Variants in SLC35D4 observed in about 807,000 individuals in gnomAD.
The protein encoded by SLC35D4 is solute carrier family 35 member D4.
the SLC35D4 span, among the ~76,000 whole-genome samples, chr18:23,250,177 C>T: frequency 1.3e-5 from 2 of 152,232 alleles, no homozygotes; most frequent in Non-Finnish European, 2.9e-5. Context: ...TCCACATGAT[C>T]GTTAAGCAGC....
chr18:23,399,645 G>A, the SLC35D4 span: 3 of 1,613,560 alleles, frequency 1.9e-6, no homozygotes, highest in Non-Finnish European at 2.5e-6. Context: ...AAGAACATGA[G>A]ATCTGAAAAG....
At chr18:23,243,468 G>GTTTT in the SLC35D4 span, among the ~76,000 whole-genome samples, 13 of 101,862 alleles carry the variant, frequency 1.3e-4, no homozygotes, top group African/African-American at 4.4e-4. Context: ...TGGGTTTGGT[G>GTTTT]TTTTTTTTTT....
At chr18:23,382,518 C>T in the SLC35D4 span, among the ~76,000 whole-genome samples, 1 of 151,662 alleles carries the variant, frequency 6.6e-6, no homozygotes, top group Non-Finnish European at 1.5e-5. Context: ...GATCCTAAGA[C>T]ACCAATGATT....
the SLC35D4 span, among the ~76,000 whole-genome samples, chr18:23,278,854 C>T: frequency 6.6e-6 from 1 of 151,186 alleles, no homozygotes; most frequent in African/African-American, 2.4e-5. Flanking sequence ...AAAATTAAAA[C>T]GAAAAAAATA....
chr18:23,413,456 C>A, the SLC35D4 span, among the ~76,000 whole-genome samples: 47 of 152,288 alleles, frequency 3.1e-4, no homozygotes, highest in Middle Eastern at 3.4e-3. Flanking sequence ...TTTGACCCTG[C>A]CGCAGTGTTA....
the SLC35D4 span, among the ~76,000 whole-genome samples, chr18:23,335,016 G>A: frequency 4.0e-5 from 6 of 150,700 alleles, no homozygotes; most frequent in Non-Finnish European, 3.0e-5. Context: ...AAAAAAAAAA[G>A]AAAGCAAGCA....
the SLC35D4 span, among the ~76,000 whole-genome samples, chr18:23,287,084 T>C: frequency 1.3e-4 from 20 of 151,940 alleles, no homozygotes; most frequent in South Asian, 1.9e-3. Flanking sequence ...TAAAGCCTGT[T>C]ATCACTCGCC....
the SLC35D4 span, among the ~76,000 whole-genome samples, chr18:23,299,700 C>T: frequency 2.8e-4 from 43 of 152,170 alleles, no homozygotes; most frequent in South Asian, 4.1e-4. Flanking sequence ...CCCCAAACAC[C>T]GTGATCTCCC....
chr18:23,381,041 G>T, the SLC35D4 span, among the ~76,000 whole-genome samples: 7 of 152,168 alleles, frequency 4.6e-5, no homozygotes, highest in African/African-American at 1.7e-4. Flanking sequence ...GATAAGGGAT[G>T]ACTTCATCAA....
At chr18:23,417,220 C>T in the SLC35D4 span, among the ~76,000 whole-genome samples, 7 of 148,202 alleles carry the variant, frequency 4.7e-5, no homozygotes, top group Admixed American at 1.4e-4. Context: ...CCAGCCTGGA[C>T]GACAGAGCAA....
chr18:23,359,210 C>G, the SLC35D4 span, among the ~76,000 whole-genome samples: 1 of 152,114 alleles, frequency 6.6e-6, no homozygotes, highest in East Asian at 1.9e-4. Flanking sequence ...GATGGTGAAA[C>G]CCCATCTCTA....
the SLC35D4 span, among the ~76,000 whole-genome samples, chr18:23,387,205 CT>C: frequency 6.6e-6 from 1 of 152,204 alleles, no homozygotes; most frequent in African/African-American, 2.4e-5. Flanking sequence ...GCCACTGCCC[CT>C]GGCCTGTTGT....
the SLC35D4 span, among the ~76,000 whole-genome samples, chr18:23,419,248 T>C: frequency 6.6e-6 from 1 of 152,158 alleles, no homozygotes; most frequent in Admixed American, 6.5e-5. Flanking sequence ...GTTCAGATTA[T>C]AGTTTTGGCT....
chr18:23,252,085 CAAAAA>C, the SLC35D4 span, among the ~76,000 whole-genome samples: 1 of 72,330 alleles, frequency 1.4e-5, no homozygotes, highest in Non-Finnish European at 2.8e-5. Flanking sequence ...GACTCCGTCT[CAAAAA>C]AAAAAAAAAA....
At chr18:23,359,064 G>A in the SLC35D4 span, among the ~76,000 whole-genome samples, 5 of 152,124 alleles carry the variant, frequency 3.3e-5, no homozygotes, top group Admixed American at 6.5e-5. Context: ...TGAACTACAC[G>A]GCTTAAGCAC....
the SLC35D4 span, chr18:23,253,205 G>A: frequency 4.8e-5 from 29 of 609,598 alleles, no homozygotes; most frequent in Non-Finnish European, 7.5e-5. Context: ...AAGGACAGCC[G>A]GGCATGGTGG....
At chr18:23,277,487 A>C in the SLC35D4 span, among the ~76,000 whole-genome samples, 2 of 152,218 alleles carry the variant, frequency 1.3e-5, no homozygotes, top group East Asian at 3.8e-4. Context: ...TATCAGCAGC[A>C]TGAAAACAGA....
the SLC35D4 span, among the ~76,000 whole-genome samples, chr18:23,340,153 A>G: frequency 2.6e-5 from 4 of 152,070 alleles, no homozygotes; most frequent in African/African-American, 9.7e-5. Context: ...TGCTTGGGCA[A>G]CATAACAAGA....
At chr18:23,331,883 C>CTT in the SLC35D4 span, among the ~76,000 whole-genome samples, 11,458 of 102,930 alleles carry the variant, frequency 0.11, 1,666 homozygotes, top group Admixed American at 0.21. Flanking sequence ...TTGAACATGT[C>CTT]TTTTTTTTTT....
Sources: allele counts gnomAD v4.1 joint callset (sites outside exome capture counted in the v4.1 genomes callset), GRCh38; gene constraint gnomAD v4.1.1; transcripts MANE v1.5; gene names NCBI Gene and HGNC (gene_info 2026-07-23, HGNC 2026-07-21).